Variants in GTPBP6 observed in about 807,000 individuals in gnomAD.
The protein encoded by GTPBP6 is putative GTP-binding protein 6.
GTPBP6 carries 33 observed loss-of-function variants against 28.9 expected under a neutral mutation model. The ratio of observed to expected loss-of-function variants is 1.14; its 90% confidence interval spans 0.87 to 1.53. The LOEUF is 1.53. Among genes scored for constraint, GTPBP6 ranks in the 40% most tolerant of loss-of-function variants. The probability of loss-of-function intolerance (pLI) is 0.00; values close to 1 mark genes in which losing one functional copy is unlikely to be tolerated. For missense variants in GTPBP6, 507 were observed against 408.3 expected (o/e 1.24, Z -2.08); for synonymous variants, 231 against 192.7 (o/e 1.20, Z -1.65).
chrX:317,498 AATC>A (rs2070458788), intron 1 of GTPBP6, among the ~76,000 whole-genome samples: 1 of 142,134 alleles, frequency 7.0e-6, no homozygotes, highest in African/African-American at 2.7e-5. Flanking sequence ...CCAAGGGAAA[AATC>A]AACCTTTATG....
intron 4 of GTPBP6, among the ~76,000 whole-genome samples, 161 bp from the exon 5 acceptor site, chrX:314,378 C>T (rs1295550712): frequency 1.6e-4 from 24 of 152,146 alleles, no homozygotes; most frequent in Admixed American, 5.9e-4. Flanking sequence ...CTGTGAGTGA[C>T]GCGTGTCCCG....
intron 7 of GTPBP6, among the ~76,000 whole-genome samples, chrX:308,272 T>C (rs28590518): frequency 0.32 from 48,412 of 151,872 alleles, 8,793 homozygotes; most frequent in South Asian, 0.53. Context: ...ATGCTTTTTT[T>C]CTCACGTTCA....
rs1433958676 is a variant in GTPBP6 at position 317,844 on chromosome X, G to C, written c.349+595C>G. 7.1e-4 allele frequency among the ~76,000 whole-genome samples: 86 copies of C among 120,990 alleles called. 1 individual carries two copies. The highest frequency in any genetic ancestry group is 1.9e-3 in the African/African-American group (60 of 32,226). The allele number at this position is 120,990 out of a possible 152,430, so 79.4% of individuals were successfully genotyped here. On this transcript the variant is annotated intron_variant, in intron 1 of 9. Coordinates refer to ENST00000326153, the Ensembl canonical transcript of GTPBP6. ...GCCCCGCCCACGCACCTCCACCAAT[G>C]ATATCCTCCCCTCTTCCCCATAAGC...
At chrX:314,127 A>G in intron 5 of GTPBP6, 23 bp downstream of exon 5, 2 of 1,595,512 alleles carry the variant, frequency 1.3e-6, no homozygotes, top group African/African-American at 2.8e-5. Flanking sequence ...ACCCTCTGGG[A>G]CGCCGCGCCC....
chrX:314,723 A>AGG (rs2070396913), intron 4 of GTPBP6, among the ~76,000 whole-genome samples, 167 bp downstream of exon 4: 2 of 151,940 alleles, frequency 1.3e-5, no homozygotes, highest in African/African-American at 4.8e-5. Context: ...TGATCCGCCC[A>AGG]CCTCGGCCTC....
At chrX:311,430 C>T (rs376924595) in exon 7 of GTPBP6, 35 of 1,610,736 alleles carry the variant, frequency 2.2e-5, no homozygotes, top group African/African-American at 1.6e-4. Flanking sequence ...GAGTGGGCCA[C>T]GTCTTCCAGG....
chrX:314,638 A>C (rs375104291), intron 4 of GTPBP6, among the ~76,000 whole-genome samples: 2 of 151,720 alleles, frequency 1.3e-5, no homozygotes, highest in Non-Finnish European at 2.9e-5. Flanking sequence ...ACGCCCGGCT[A>C]ATTTTTTTCT....
intron 7 of GTPBP6, among the ~76,000 whole-genome samples, 191 bp from the exon 8 acceptor site, chrX:308,071 C>T (rs28729843): frequency 0.01 from 1,548 of 152,210 alleles, 23 homozygotes; most frequent in African/African-American, 0.036. Context: ...CGAGCCCACC[C>T]GGCTGCACTT....
Position 312,928 on chromosome X carries a change from A to G in GTPBP6, c.758-4T>C, listed in dbSNP as rs776962222. 2.4e-5 allele frequency: 38 copies of G among 1,609,358 alleles called. No homozygotes were observed. The African/African-American group carries it at 5.1e-4, about 21-fold the overall frequency. ...TGCAGCTGCATGAAGGATTCTCCTA[A>G]AAGACACCCGAGATGGTGAGGCGGT... is the stretch of plus-strand genomic sequence containing the variant. On this transcript the variant is annotated splice_region_variant and splice_polypyrimidine_tract_variant and intron_variant, in intron 5 of 9. Coordinates refer to ENST00000326153, the Ensembl canonical transcript of GTPBP6.
chrX:311,405 C>CAG lies in GTPBP6; in HGVS notation c.1125+13_1125+14insCT, dbSNP rs749620632. ...GGTGTCCGAGCACCCGATCCCCGGCCGTCCCACGCTCACCGAGTGGGCCAC... is the reference window on the plus strand; with the variant it reads ...GGTGTCCGAGCACCCGATCCCCGGCCAGGTCCCACGCTCACCGAGTGGGCCAC... On this transcript the variant is annotated intron_variant, in intron 7 of 9. Coordinates refer to ENST00000326153, the Ensembl canonical transcript of GTPBP6. 3.1e-6 allele frequency: 5 copies of CAG among 1,590,206 alleles called. No homozygotes were observed. Among genetic ancestry groups the CAG allele is most frequent in the Non-Finnish European group, 4.3e-6 (5 of 1,163,528 alleles).
chrX:315,595 A>C (rs2070417342), intron 2 of GTPBP6, among the ~76,000 whole-genome samples: 6 of 149,632 alleles, frequency 4.0e-5, no homozygotes, highest in African/African-American at 1.5e-4. Context: ...CAGTAAATAC[A>C]TCCCGACAGG....
intron 2 of GTPBP6, among the ~76,000 whole-genome samples, chrX:316,049 CACACAGACACAT>C (rs1236705546): frequency 1.6e-4 from 1 of 6,146 alleles, no homozygotes; most frequent in African/African-American, 4.9e-4. Flanking sequence ...GACAGACACA[CACACAGACACAT>C]ACACAGAGAC....
chrX:314,362 C>T (rs1442011348), intron 4 of GTPBP6, 145 bp from the exon 5 acceptor site: 2 of 733,548 alleles, frequency 2.7e-6, no homozygotes, highest in Non-Finnish European at 4.9e-6. Context: ...GCGTGTAGCT[C>T]ACACACTGTG....
intron 2 of GTPBP6, 132 bp from the exon 3 acceptor site, chrX:315,431 G>C: frequency 7.5e-6 from 3 of 398,364 alleles, no homozygotes; most frequent in Middle Eastern, 6.3e-4. Context: ...TCCTGAGCAC[G>C]AGACCCGGGA....
At chrX:315,259 C>G (rs2070408141) in exon 3 of GTPBP6, 1 of 398,510 alleles carries the variant, frequency 2.5e-6, no homozygotes, top group African/African-American at 2.1e-5. Context: ...TCTCCACGTT[C>G]AGGAAGACGC....
chrX:314,404 C>T (rs1248937487), intron 4 of GTPBP6, among the ~76,000 whole-genome samples, 187 bp from the exon 5 acceptor site: 1 of 152,110 alleles, frequency 6.6e-6, no homozygotes, highest in Non-Finnish European at 1.5e-5. Flanking sequence ...AGGGGACCTG[C>T]CTAGTGGGGA....
At chrX:312,690 C>T (rs745658171) in intron 6 of GTPBP6, 76 bp downstream of exon 6, 7 of 1,442,464 alleles carry the variant, frequency 4.9e-6, no homozygotes, top group Non-Finnish European at 6.7e-6. Flanking sequence ...GACAGGGACC[C>T]CCTGCCCTCC....
intron 9 of GTPBP6, among the ~76,000 whole-genome samples, chrX:305,701 T>C (rs2070147459): frequency 6.7e-6 from 1 of 149,348 alleles, no homozygotes; most frequent in African/African-American, 2.5e-5. Flanking sequence ...CTTGGCTCAC[T>C]GCAACCTCGG....
chrX:314,150 C>G (rs1270361674), exon 5 of GTPBP6: 9 of 1,610,794 alleles, frequency 5.6e-6, no homozygotes, highest in Non-Finnish European at 7.6e-6. Context: ...CCCGAGTTAC[C>G]TGACCCCATG....
Sources: allele counts gnomAD v4.1 joint callset (sites outside exome capture counted in the v4.1 genomes callset), GRCh38; gene constraint gnomAD v4.1.1; transcripts MANE v1.5; gene names NCBI Gene and HGNC (gene_info 2026-07-23, HGNC 2026-07-21).